Variants in ACOT7 observed in about 807,000 individuals in gnomAD.
The protein encoded by ACOT7 is cytosolic acyl coenzyme A thioester hydrolase.
ACOT7 carries 12 observed loss-of-function variants against 40.2 expected under a neutral mutation model. The observed-to-expected ratio is 0.30, with a 90% confidence interval of 0.19 to 0.48. The LOEUF is 0.48. Among genes scored for constraint, ACOT7 ranks in the 20% least tolerant of loss-of-function variants. The probability of loss-of-function intolerance (pLI) is 0.99; values close to 1 mark genes in which losing one functional copy is unlikely to be tolerated. For missense variants in ACOT7, 395 were observed against 530.8 expected, an observed-to-expected ratio of 0.74 and a Z score of 2.51; for synonymous variants, 228 against 219.5, an observed-to-expected ratio of 1.04 and a Z score of -0.34.
At chr1:6,291,934 T>G (rs1266507787) in intron 7 of ACOT7, among the ~76,000 whole-genome samples, 3 of 152,182 alleles carry the variant, frequency 2.0e-5, no homozygotes, top group Non-Finnish European at 4.4e-5. Flanking sequence ...CGAGCTGATC[T>G]AAGGTGCAGT....
chr1:6,353,711 A>G (rs1304607163), intron 1 of ACOT7, among the ~76,000 whole-genome samples: 2 of 152,218 alleles, frequency 1.3e-5, no homozygotes, highest in African/African-American at 4.8e-5. Flanking sequence ...AAAAATAAAG[A>G]AAGACACAGG....
intron 5 of ACOT7, among the ~76,000 whole-genome samples, chr1:6,319,355 G>A (rs1335377956): frequency 1.3e-5 from 2 of 152,138 alleles, no homozygotes; most frequent in Non-Finnish European, 2.9e-5. Flanking sequence ...AGCACACCTG[G>A]CTAATTTTTG....
Position 6,282,980 on chromosome 1 carries a change from T to A in ACOT7, c.830-1694A>T. ...AGCCCACATCCCTCACCAACAATTGTGTATAACACTTGGGAGTCACAGGCC... is the reference window on the plus strand; with the variant it reads ...AGCCCACATCCCTCACCAACAATTGAGTATAACACTTGGGAGTCACAGGCC... On this transcript the variant is annotated intron_variant, in intron 7 of 8. Transcript: ENST00000361521. This position sits in a 1 kb window ranked among gnomAD's most constrained non-coding sequence, Gnocchi z 4.5. 2 of 459,658 alleles carry A rather than the reference T, an allele frequency of 4.4e-6. No homozygotes were observed. Among genetic ancestry groups the A allele is most frequent in the Non-Finnish European group, 9.0e-6 (2 of 221,232 alleles). 28.5% of individuals were successfully genotyped at this position (459,658 alleles called of 1,614,324 possible). A position where few individuals can be genotyped will look rare whatever the true frequency, so the allele number is the denominator to read the frequency against.
chr1:6,296,153 C>T (rs777053632), intron 6 of ACOT7, among the ~76,000 whole-genome samples: 19 of 152,230 alleles, frequency 1.2e-4, no homozygotes, highest in East Asian at 3.9e-4. Flanking sequence ...ACCTCACCTC[C>T]CAAAGTGCTG....
intron 2 of ACOT7, among the ~76,000 whole-genome samples, chr1:6,342,908 C>T (rs897129976): frequency 2.0e-5 from 3 of 152,234 alleles, no homozygotes; most frequent in African/African-American, 7.2e-5. Flanking sequence ...ACTTATTTCT[C>T]ATCTTTGCTG....
intron 1 of ACOT7, among the ~76,000 whole-genome samples, chr1:6,350,283 C>G (rs72858375): frequency 0.079 from 11,990 of 152,264 alleles, 1,106 homozygotes; most frequent in African/African-American, 0.23. Context: ...CCACCCCCGT[C>G]AGGAGTCCCA....
chr1:6,284,093 G>C (rs6682058), intron 7 of ACOT7, among the ~76,000 whole-genome samples: 25,100 of 152,168 alleles, frequency 0.16, 2,241 homozygotes, highest in African/African-American at 0.23. Context: ...CAGTCACCAA[G>C]AGAGAGCCCA....
chr1:6,320,606 C>T (rs1048022088), intron 5 of ACOT7, among the ~76,000 whole-genome samples: 2 of 152,164 alleles, frequency 1.3e-5, no homozygotes, highest in Admixed American at 6.5e-5. Flanking sequence ...TTTGATGGGT[C>T]AGGCCTGGAA....
chr1:6,295,102 A>G, intron 6 of ACOT7, 122 bp from the exon 7 acceptor site: 1 of 661,792 alleles, frequency 1.5e-6, no homozygotes, highest in East Asian at 3.0e-5. Context: ...GGCCGCAGCC[A>G]GCAGGGGTGC....
intron 1 of ACOT7, among the ~76,000 whole-genome samples, chr1:6,388,459 C>A (rs913601129): frequency 6.6e-6 from 1 of 151,608 alleles, no homozygotes; most frequent in Non-Finnish European, 1.5e-5. Context: ...CAGAGCCCGG[C>A]CTGGTGCAGT....
intron 8 of ACOT7, among the ~76,000 whole-genome samples, chr1:6,280,540 C>T (rs1639325246): frequency 6.6e-6 from 1 of 152,206 alleles, no homozygotes; most frequent in African/African-American, 2.4e-5. Flanking sequence ...CCCCACCTGC[C>T]CTGCATGAGG....
intron 8 of ACOT7, among the ~76,000 whole-genome samples, chr1:6,277,086 G>A (rs1018930767): frequency 7.2e-5 from 11 of 152,294 alleles, no homozygotes; most frequent in Admixed American, 6.5e-4. Context: ...AAAAGCCTCC[G>A]TGACCGCAGG....
At chr1:6,305,838 A>T (rs75968034) in intron 6 of ACOT7, among the ~76,000 whole-genome samples, 9 of 151,364 alleles carry the variant, frequency 5.9e-5, no homozygotes, top group Admixed American at 2.6e-4. Context: ...CAAGGCAGGC[A>T]GCTGGGAGGT....
intron 2 of ACOT7, among the ~76,000 whole-genome samples, chr1:6,348,675 C>T (rs1405534324): frequency 1.1e-4 from 16 of 152,348 alleles, no homozygotes; most frequent in Admixed American, 8.5e-4. Context: ...AATCTGCCGG[C>T]GCCCTGATCC....
chr1:6,357,742 C>G (rs1437413697), intron 1 of ACOT7, among the ~76,000 whole-genome samples: 4 of 152,122 alleles, frequency 2.6e-5, no homozygotes, highest in East Asian at 3.9e-4. Context: ...CACCAGGCAG[C>G]CTTGAGGGAC....
At chr1:6,332,180 C>CTA (rs3029069) in intron 4 of ACOT7, among the ~76,000 whole-genome samples, 31 of 152,130 alleles carry the variant, frequency 2.0e-4, no homozygotes, top group Non-Finnish European at 3.5e-4. Context: ...AAAATGTATT[C>CTA]TATATATATA....
At position 6,278,626 on chromosome 1, in the gene ACOT7, C is replaced by G. The variant is rs1233258469; in HGVS notation, c.1014+2476G>C. 6.6e-6 allele frequency among the ~76,000 whole-genome samples: 1 copy of G among 152,190 alleles called. No individual in the cohort carries two copies. Among genetic ancestry groups the G allele is most frequent in the Non-Finnish European group, 1.5e-5 (1 of 68,030 alleles). Reference sequence around the variant, plus strand: ...TTGGGAACCCTGTTGAGGGGCAGCACTGGCCAAGTCAATTTGGGAGTCAAT... The same window carrying G: ...TTGGGAACCCTGTTGAGGGGCAGCAGTGGCCAAGTCAATTTGGGAGTCAAT... On this transcript the variant is annotated intron_variant, in intron 8 of 8. Transcript: ENST00000361521. The surrounding 1 kb of genome is among the most constrained non-coding windows in gnomAD (Gnocchi z 4.1).
At position 6,289,004 on chromosome 1, in the gene ACOT7, AAG is replaced by A. The variant is rs1382000838; in HGVS notation, c.829+5858_829+5859del. On this transcript the variant is annotated intron_variant, in intron 7 of 8. Coordinates refer to ENST00000361521, the MANE Select transcript of ACOT7 (RefSeq NM_007274.4). The surrounding 1 kb of genome is among the most constrained non-coding windows in gnomAD (Gnocchi z 4.6). Reference sequence around the variant, plus strand: ...AAGGAGGCAGTTTTACGGGAGGCTGAAGGAGAGAAAGCAAAGCACTTCCTGCC... The same window carrying A: ...AAGGAGGCAGTTTTACGGGAGGCTGAGAGAGAAAGCAAAGCACTTCCTGCC... Among the ~76,000 whole-genome samples, 1 of 152,218 alleles carries A rather than the reference AAG, an allele frequency of 6.6e-6. No homozygotes were observed. Among genetic ancestry groups the A allele is most frequent in the African/African-American group, 2.4e-5 (1 of 41,466 alleles).
intron 6 of ACOT7, among the ~76,000 whole-genome samples, chr1:6,310,049 G>A (rs555217282): frequency 4.6e-5 from 7 of 152,282 alleles, no homozygotes; most frequent in South Asian, 2.1e-4. Flanking sequence ...CCGTTCACAC[G>A]TCACCTTCAG....
Sources: allele counts gnomAD v4.1 joint callset (sites outside exome capture counted in the v4.1 genomes callset), GRCh38; gene constraint gnomAD v4.1.1; non-coding constraint Gnocchi (gnomAD v3.1); transcripts MANE v1.5; gene names NCBI Gene and HGNC (gene_info 2026-07-23, HGNC 2026-07-21).